BRI3BP: variants seen among roughly 807,000 people sequenced by gnomAD.
BRI3BP encodes the protein BRI3-binding protein.
A neutral mutation model predicts 15.8 loss-of-function variants in BRI3BP; 7 were observed. The observed-to-expected ratio is 0.44, with a 90% CI of 0.25 to 0.83. The LOEUF (loss-of-function observed/expected upper bound fraction) is 0.83, where lower values mean the gene tolerates loss of function less well. BRI3BP is among the 40% of genes least tolerant of loss of function. BRI3BP has a pLI of 0.20. For synonymous variants in BRI3BP, 192 were observed against 163.5 expected (o/e 1.17, Z -1.33); for missense variants, 320 against 339.3 (o/e 0.94, Z 0.45).
At chr12:125,018,564 A>G (rs1955266916) in intron 2 of BRI3BP, among the ~76,000 whole-genome samples, 1 of 152,110 alleles carries the variant, frequency 6.6e-6, no homozygotes, top group Non-Finnish European at 1.5e-5. Context: ...CGCAGACACT[A>G]GGAGAGGCCC....
chr12:125,009,479 A>G (rs1955177741), intron 1 of BRI3BP, among the ~76,000 whole-genome samples: 1 of 150,380 alleles, frequency 6.6e-6, no homozygotes, highest in African/African-American at 2.5e-5. Flanking sequence ...CAGTAGAGAC[A>G]AGGTTTCGCC....
chr12:125,022,541 A>ATTTATTTATTTATTTATTTAT, intron 2 of BRI3BP, among the ~76,000 whole-genome samples: 32 of 139,434 alleles, frequency 2.3e-4, no homozygotes, highest in African/African-American at 8.7e-4. Context: ...TTATTTATTT[A>ATTTATTTATTTATTTATTTAT]TTTTTTGAGA....
chr12:125,017,939 G>A (rs1421262323), intron 2 of BRI3BP, among the ~76,000 whole-genome samples: 2 of 152,188 alleles, frequency 1.3e-5, no homozygotes, highest in Non-Finnish European at 2.9e-5. Flanking sequence ...GAGTCCTTGT[G>A]TGGAAAATGC....
intron 1 of BRI3BP, among the ~76,000 whole-genome samples, chr12:125,000,322 T>TG (rs1955078393): frequency 1.4e-5 from 2 of 145,698 alleles, no homozygotes; most frequent in Non-Finnish European, 3.0e-5. Context: ...TTTTTTTTTT[T>TG]TTTTTTTTTG....
At chr12:125,039,410 C>G in the BRI3BP span, among the ~76,000 whole-genome samples, 1 of 152,142 alleles carries the variant, frequency 6.6e-6, no homozygotes, top group Non-Finnish European at 1.5e-5. Flanking sequence ...TTTTGGCCTG[C>G]AGGGGTCTGA....
chr12:125,032,558 A>C (rs1955413955), downstream of BRI3BP, among the ~76,000 whole-genome samples: 1 of 152,238 alleles, frequency 6.6e-6, no homozygotes. Context: ...GCTCGAGTCC[A>C]GGAGTTCAAG....
Position 125,030,907 on chromosome 12 carries a change from T to C in BRI3BP, c.*5477T>C, listed in dbSNP as rs1241709505. 1 of 152,210 alleles carries C rather than the reference T, an allele frequency of 6.6e-6. No homozygotes were observed. Among genetic ancestry groups the C allele is most frequent in the Non-Finnish European group, 1.5e-5 (1 of 68,034 alleles). The allele number at this position is 152,210 out of a possible 1,614,324, so 9.4% of individuals were successfully genotyped here. A position where few individuals can be genotyped will look rare whatever the true frequency, so the allele number is the denominator to read the frequency against. ...TCTGGTTATAAATTTTGTATAGCAT[T>C]TAATTTGGCACTTAATATAAATCCA... is the stretch of plus-strand genomic sequence containing the variant. On this transcript the variant is annotated 3_prime_UTR_variant, in exon 3 of 3. Transcript: ENST00000341446.
intron 2 of BRI3BP, among the ~76,000 whole-genome samples, chr12:125,022,541 A>ATTTATTTATTTATTTTTT: frequency 1.1e-4 from 15 of 139,428 alleles, no homozygotes; most frequent in East Asian, 4.1e-4. Flanking sequence ...TTATTTATTT[A>ATTTATTTATTTATTTTTT]TTTTTTGAGA....
intron 1 of BRI3BP, among the ~76,000 whole-genome samples, chr12:125,004,593 C>A (rs1356471942): frequency 6.6e-6 from 1 of 152,166 alleles, no homozygotes; most frequent in Non-Finnish European, 1.5e-5. Flanking sequence ...ATATACCCCT[C>A]ACCCTGTTTC....
chr12:125,001,177 C>T (rs2135987741), intron 1 of BRI3BP, among the ~76,000 whole-genome samples: 1 of 152,164 alleles, frequency 6.6e-6, no homozygotes, highest in African/African-American at 2.4e-5. Flanking sequence ...GCCTCAGCCT[C>T]CCAAATAGCT....
chr12:124,996,751 C>T (rs1351616503), intron 1 of BRI3BP, among the ~76,000 whole-genome samples: 4 of 145,202 alleles, frequency 2.8e-5, no homozygotes, highest in South Asian at 4.4e-4. Flanking sequence ...AAAAACACCC[C>T]ATAGTCTTTT....
At chr12:125,031,574 ATTTT>A (rs367625363), downstream of BRI3BP, among the ~76,000 whole-genome samples, 4 of 84,242 alleles carry the variant, frequency 4.7e-5, no homozygotes, top group South Asian at 3.4e-4. Context: ...TTTTCTTTCT[ATTTT>A]TTTTTTTTTT....
At chr12:125,014,086 T>A (rs1194640687) in intron 2 of BRI3BP, among the ~76,000 whole-genome samples, 1 of 152,096 alleles carries the variant, frequency 6.6e-6, no homozygotes, top group African/African-American at 2.4e-5. Flanking sequence ...CTTACCGCCT[T>A]AAGAGCTTCA....
At chr12:125,008,299 C>CTTTTTTTTTTTTTTTTTTTTTTTTT (rs55697100) in intron 1 of BRI3BP, among the ~76,000 whole-genome samples, 3 of 99,944 alleles carry the variant, frequency 3.0e-5, no homozygotes, top group African/African-American at 8.1e-5. Context: ...CCTCTTCTTT[C>CTTTTTTTTTTTTTTTTTTTTTTTTT]TTTTTTTTTT....
At chr12:125,004,537 C>T (rs1340485033) in intron 1 of BRI3BP, among the ~76,000 whole-genome samples, 1 of 152,132 alleles carries the variant, frequency 6.6e-6, no homozygotes, top group East Asian at 1.9e-4. Context: ...ATAGTCTTTT[C>T]TTTTAGAGTT....
Position 124,993,715 on chromosome 12 carries a change from G to T in BRI3BP, c.-76G>T, listed in dbSNP as rs1479047770. On this transcript the variant is annotated 5_prime_UTR_variant, in exon 1 of 3. Transcript: ENST00000341446. ...CGCGGCCCCCGAGCGCGCCAACCTT[G>T]CCCTAGCCGGAGCCCGCTGCGGCCC... 4.2e-5 allele frequency: 36 copies of T among 863,208 alleles called. No individual in the cohort carries two copies. In the South Asian group the frequency reaches 1.4e-3, roughly 34 times the overall value. The allele number at this position is 863,208 out of a possible 1,614,324, so 53.5% of individuals were successfully genotyped here.
intron 1 of BRI3BP, among the ~76,000 whole-genome samples, chr12:125,002,187 T>C (rs976203268): frequency 6.6e-6 from 1 of 152,222 alleles, no homozygotes; most frequent in Non-Finnish European, 1.5e-5. Context: ...TGCAAATATT[T>C]GTGTGGGCAT....
intron 2 of BRI3BP, among the ~76,000 whole-genome samples, chr12:125,020,746 G>A (rs1294046868): frequency 1.3e-5 from 2 of 152,096 alleles, no homozygotes; most frequent in Non-Finnish European, 2.9e-5. Flanking sequence ...TTAGCTTGGT[G>A]GTGCATGCTT....
At chr12:125,002,736 G>A (rs1423442009) in intron 1 of BRI3BP, among the ~76,000 whole-genome samples, 3 of 152,178 alleles carry the variant, frequency 2.0e-5, no homozygotes, top group African/African-American at 7.2e-5. Context: ...GATTACAGGC[G>A]TGAGCCACCA....
Sources: gnomAD v4.1 joint callset for allele counts (sites outside exome capture counted in the v4.1 genomes callset) on GRCh38, gnomAD v4.1.1 for gene constraint, MANE v1.5 for transcripts, NCBI Gene and HGNC (gene_info 2026-07-23, HGNC 2026-07-21) for gene names.